Variants in HIRA observed in about 807,000 individuals in gnomAD.
HIRA encodes protein HIRA.
Under a neutral mutation model 126.6 loss-of-function variants are expected in HIRA, and 13 were observed. The observed-to-expected ratio is 0.10, with a 90% CI of 0.07 to 0.16. The LOEUF is 0.16. Ranked by LOEUF, HIRA falls within the 10% of genes least tolerant of loss-of-function variation. The pLI, the probability that HIRA is intolerant of heterozygous loss-of-function variation, is 1.00. For synonymous variants in HIRA, 511 were observed against 520.0 expected (o/e 0.98, Z 0.24); for missense variants, 834 against 1,314.4 (o/e 0.63, Z 5.65).
intron 21 of HIRA, 65 bp downstream of exon 21, chr22:19,355,695 T>C: frequency 1.6e-6 from 2 of 1,223,646 alleles, no homozygotes; most frequent in Non-Finnish European, 1.2e-6. Flanking sequence ...CACGACCCTT[T>C]GCTCTGCTGT....
At chr22:19,361,633 C>T in intron 16 of HIRA, 94 bp downstream of exon 16, 1 of 1,280,206 alleles carries the variant, frequency 7.8e-7, no homozygotes, top group South Asian at 1.3e-5. Context: ...CCAAGGTGAC[C>T]CACCCAGCTG....
rs188179473 is a variant in HIRA, at chr22:19,406,821, C to G, written c.302+363G>C. Among the ~76,000 whole-genome samples the G allele has an allele frequency of 2.0e-4, 31 of 152,328 alleles. No homozygotes were observed. In the East Asian group the frequency reaches 5.2e-3, roughly 26 times the overall value. On this transcript the variant is annotated intron_variant, in intron 4 of 24. Coordinates refer to ENST00000263208, the MANE Select transcript of HIRA (RefSeq NM_003325.4). ...ATGGCAAAGAGGCTGGACTCTGGATCCCCTGCCCCAGATCCTGGGCAAGAA... is the reference window on the plus strand; with the variant it reads ...ATGGCAAAGAGGCTGGACTCTGGATGCCCTGCCCCAGATCCTGGGCAAGAA...
chr22:19,369,808 T>G (rs2088948846), intron 15 of HIRA, among the ~76,000 whole-genome samples: 1 of 152,090 alleles, frequency 6.6e-6, no homozygotes, highest in Non-Finnish European at 1.5e-5. Context: ...GGCATACACC[T>G]GTAATCCCAG....
intron 15 of HIRA, among the ~76,000 whole-genome samples, chr22:19,370,869 A>C (rs1167571025): frequency 6.6e-6 from 1 of 152,216 alleles, no homozygotes; most frequent in Non-Finnish European, 1.5e-5. Context: ...ATCTTGCTAC[A>C]GCTGTATTTA....
chr22:19,344,664 T>C (rs2088666994), intron 24 of HIRA, among the ~76,000 whole-genome samples: 1 of 152,140 alleles, frequency 6.6e-6, no homozygotes, highest in Admixed American at 6.6e-5. Context: ...CTGACAAAGC[T>C]AGACAAAGAT....
intron 15 of HIRA, among the ~76,000 whole-genome samples, chr22:19,370,524 A>T (rs1010053769): frequency 6.6e-6 from 1 of 152,218 alleles, no homozygotes; most frequent in African/African-American, 2.4e-5. Flanking sequence ...GATTGACTAC[A>T]GGCATGAGCC....
intron 1 of HIRA, among the ~76,000 whole-genome samples, chr22:19,414,392 G>A (rs1216746766): frequency 2.0e-5 from 3 of 152,238 alleles, no homozygotes; most frequent in Admixed American, 2.0e-4. Context: ...TGAGCACAGA[G>A]AGGTGGCCAG....
At chr22:19,366,284 C>T (rs1053629055) in intron 15 of HIRA, among the ~76,000 whole-genome samples, 3 of 151,682 alleles carry the variant, frequency 2.0e-5, no homozygotes, top group Non-Finnish European at 2.9e-5. Flanking sequence ...ATGGCGTGAA[C>T]CCGGGAGGTG....
chr22:19,396,289 G>A (rs942375833), intron 7 of HIRA, among the ~76,000 whole-genome samples: 11 of 152,216 alleles, frequency 7.2e-5, no homozygotes, highest in Non-Finnish European at 1.6e-4. Context: ...GCTGAAGCGG[G>A]TAGATCACCT....
intron 18 of HIRA, among the ~76,000 whole-genome samples, chr22:19,358,048 G>A (rs1179254609): frequency 1.3e-5 from 2 of 152,174 alleles, no homozygotes; most frequent in African/African-American, 4.8e-5. Context: ...CGCCCAGGCT[G>A]GAGTGTAGTG....
At chr22:19,420,275 T>C (rs377632493) in intron 1 of HIRA, among the ~76,000 whole-genome samples, 1 of 151,840 alleles carries the variant, frequency 6.6e-6, no homozygotes, top group African/African-American at 2.4e-5. Flanking sequence ...TTAGGCAACA[T>C]GGTGAACCCC....
chr22:19,363,973 C>T (rs571936122), intron 15 of HIRA, among the ~76,000 whole-genome samples: 1 of 152,212 alleles, frequency 6.6e-6, no homozygotes, highest in Non-Finnish European at 1.5e-5. Flanking sequence ...TGGTTAAACC[C>T]GTAAAACGTA....
intron 24 of HIRA, among the ~76,000 whole-genome samples, chr22:19,334,921 A>G (rs564544249): frequency 6.6e-6 from 1 of 151,598 alleles, no homozygotes; most frequent in Admixed American, 6.6e-5. Context: ...ATTATTTTCT[A>G]TCATTCAATT....
Position 19,413,898 on chromosome 22 carries a change from G to A in HIRA, c.38-3120C>T, listed in dbSNP as rs189017967. Among the ~76,000 whole-genome samples the A allele has an allele frequency of 2.1e-3, 319 of 152,016 alleles. 3 individuals are homozygous for A. Among genetic ancestry groups the A allele is most frequent in the Non-Finnish European group, 5.3e-4 (36 of 67,960 alleles). On this transcript the variant is annotated intron_variant, in intron 1 of 24. Transcript: ENST00000263208. ...GTGCTGGGATTACAGGGGTAATCCC[G>A]GCCACCGTGCCCGGCCAGGAATGAA... is the stretch of plus-strand genomic sequence containing the variant.
At chr22:19,371,182 T>C (rs1412619306) in intron 15 of HIRA, among the ~76,000 whole-genome samples, 3 of 152,208 alleles carry the variant, frequency 2.0e-5, no homozygotes, top group Non-Finnish European at 4.4e-5. Flanking sequence ...ATCTGAGGTT[T>C]CTTCACCTTC....
At chr22:19,423,729 G>A (rs1056429120) in intron 1 of HIRA, among the ~76,000 whole-genome samples, 13 of 152,142 alleles carry the variant, frequency 8.5e-5, no homozygotes, top group Non-Finnish European at 1.6e-4. Flanking sequence ...CCTACCCTAG[G>A]TTTGTTAATG....
intron 1 of HIRA, among the ~76,000 whole-genome samples, chr22:19,425,841 C>G (rs1379969862): frequency 6.6e-6 from 1 of 151,878 alleles, no homozygotes; most frequent in Non-Finnish European, 1.5e-5. Context: ...CACTAAATAC[C>G]GAATACTAAA....
intron 24 of HIRA, among the ~76,000 whole-genome samples, chr22:19,347,556 C>T (rs1601805944): frequency 6.6e-6 from 1 of 152,160 alleles, no homozygotes; most frequent in South Asian, 2.1e-4. Context: ...CTGAGCCATG[C>T]TGTGGGGAAG....
At chr22:19,410,645 A>C (rs1158626021) in intron 2 of HIRA, 71 bp downstream of exon 2, 1 of 1,101,188 alleles carries the variant, frequency 9.1e-7, no homozygotes, top group African/African-American at 1.6e-5. Context: ...CTCTACAGCT[A>C]AATGGACAGC....
Sources: allele counts gnomAD v4.1 joint callset (sites outside exome capture counted in the v4.1 genomes callset), GRCh38; gene constraint gnomAD v4.1.1; transcripts MANE v1.5; gene names NCBI Gene and HGNC (gene_info 2026-07-23, HGNC 2026-07-21).